The following PCNX2 variants were observed in gnomAD, a reference collection of about 807,000 sequenced individuals.
The protein encoded by PCNX2 is pecanex 2.
Under a neutral mutation model 223.8 loss-of-function variants are expected in PCNX2, and 168 were observed. The ratio of observed to expected loss-of-function variants is 0.75; its 90% CI spans 0.66 to 0.85. The LOEUF (loss-of-function observed/expected upper bound fraction) is 0.85. Among genes scored for constraint, PCNX2 ranks in the 40% least tolerant of loss-of-function variants. PCNX2 has a pLI of 0.00. For missense variants in PCNX2, 2,507 were observed against 2,675.5 expected (o/e 0.94, Z 1.39); for synonymous variants, 1,006 against 1,052.6 (o/e 0.96, Z 0.86).
intron 26 of PCNX2, among the ~76,000 whole-genome samples, chr1:233,018,350 T>A (rs886558110): frequency 1.3e-5 from 2 of 152,126 alleles, no homozygotes; most frequent in Non-Finnish European, 2.9e-5. Flanking sequence ...ATGGAAAGCA[T>A]TGACAATGTG....
the PCNX2 span, among the ~76,000 whole-genome samples, chr1:233,305,082 C>T: frequency 0.01 from 1,583 of 152,184 alleles, 26 homozygotes; most frequent in African/African-American, 0.036. Flanking sequence ...TCCCCATCCC[C>T]AAAATGACAA....
intron 23 of PCNX2, among the ~76,000 whole-genome samples, chr1:233,079,595 T>A (rs1291579188): frequency 6.6e-6 from 1 of 152,066 alleles, no homozygotes; most frequent in Non-Finnish European, 1.5e-5. Flanking sequence ...TTACTTTCTT[T>A]TATTAGGAGT....
the PCNX2 span, among the ~76,000 whole-genome samples, chr1:233,319,861 T>C: frequency 6.6e-6 from 1 of 152,256 alleles, no homozygotes. Flanking sequence ...ATTTTAAAGA[T>C]AACATTAATA....
intron 1 of PCNX2, among the ~76,000 whole-genome samples, chr1:233,278,387 C>G (rs1273189558): frequency 6.6e-6 from 1 of 152,196 alleles, no homozygotes; most frequent in Non-Finnish European, 1.5e-5. Context: ...ATAGGCCTCT[C>G]TGGGGACTCT....
chr1:233,233,866 C>T (rs1658223993), intron 9 of PCNX2, among the ~76,000 whole-genome samples: 2 of 152,030 alleles, frequency 1.3e-5, no homozygotes, highest in African/African-American at 4.8e-5. Flanking sequence ...CTTTCAGCCT[C>T]ACCTCCAGGC....
chr1:233,312,172 C>T, the PCNX2 span, among the ~76,000 whole-genome samples: 2 of 151,526 alleles, frequency 1.3e-5, no homozygotes, highest in Non-Finnish European at 2.9e-5. Context: ...TGGGGGTGGG[C>T]ATAGGAAACA....
intron 1 of PCNX2, among the ~76,000 whole-genome samples, chr1:233,290,241 C>CA (rs1661686455): frequency 6.6e-6 from 1 of 152,136 alleles, no homozygotes; most frequent in African/African-American, 2.4e-5. Context: ...CAACTTTCTT[C>CA]AAAATGTATA....
chr1:233,045,590 A>G (rs559786322), intron 25 of PCNX2, among the ~76,000 whole-genome samples: 4 of 152,294 alleles, frequency 2.6e-5, no homozygotes, highest in Admixed American at 1.3e-4. Context: ...ACCTCCCATT[A>G]TAGAAACTAA....
intron 5 of PCNX2, among the ~76,000 whole-genome samples, chr1:233,254,099 T>C (rs59826564): frequency 0.015 from 2,279 of 152,336 alleles, 56 homozygotes; most frequent in African/African-American, 0.052. Context: ...GTCTGTGGGA[T>C]ATAAATCACA....
chr1:233,278,294 C>T (rs1477705106), intron 1 of PCNX2, among the ~76,000 whole-genome samples: 1 of 152,180 alleles, frequency 6.6e-6, no homozygotes, highest in Admixed American at 6.5e-5. Flanking sequence ...CAGGAGCCAA[C>T]AGAGCCAAGA....
In PCNX2 at chr1:233,095,818, C is replaced by T. The variant is rs777372142; in HGVS notation, c.3883G>A (p.Ala1295Thr). The change falls in exon 22 of 34, where the codon GCT becomes ACT. Residue 1295 changes from alanine (A) to threonine (T), a missense_variant. Physicochemically the swap from Ala to Thr is moderately conservative, Grantham distance 58. Coordinates refer to ENST00000258229, the MANE Select transcript of PCNX2 (RefSeq NM_014801.4). ...GAACCCCAAGCCATCTGCCAAGGAG[C>T]CACATATGTCAGGACGAACTGTAAC... Reference protein sequence around the residue: ...HKLQFVLTYVAPWQMAWGSSF... With the variant: ...HKLQFVLTYVTPWQMAWGSSF... The T allele has an allele frequency of 2.5e-6, 4 of 1,612,822 alleles. No homozygotes were observed. The highest frequency in any genetic ancestry group is 1.3e-5 in the African/African-American group (1 of 75,012).
In PCNX2 at chr1:233,227,395, C is replaced by A. The variant is rs1230473751; in HGVS notation, c.2359-24G>T. The A allele has an allele frequency of 4.4e-6, 7 of 1,598,276 alleles. No homozygotes were observed. The Admixed American group carries it at 5.3e-5, about 12-fold the overall frequency. On this transcript the variant is annotated intron_variant, in intron 9 of 33. Transcript: ENST00000258229. ...TGCTTTTAGATACCAAAAGAAACAACAGAAAAAAGGGCTTTATGTTGTCAT... is the reference window on the plus strand; with the variant it reads ...TGCTTTTAGATACCAAAAGAAACAAAAGAAAAAAGGGCTTTATGTTGTCAT...
intron 21 of PCNX2, among the ~76,000 whole-genome samples, chr1:233,121,221 G>A (rs918807827): frequency 5.3e-5 from 8 of 152,038 alleles, no homozygotes; most frequent in Non-Finnish European, 8.8e-5. Flanking sequence ...TTCATAGACC[G>A]GAAGATCGAA....
Position 233,181,940 on chromosome 1 carries a change from TCC to T in PCNX2, c.3067-2767_3067-2766del, listed in dbSNP as rs1679826578. Among the ~76,000 whole-genome samples the T allele has an allele frequency of 5.3e-5, 8 of 152,160 alleles. No individual in the cohort carries two copies. The South Asian group carries it at 1.7e-3, about 32-fold the overall frequency. On this transcript the variant is annotated intron_variant, in intron 15 of 33. Coordinates refer to ENST00000258229, the MANE Select transcript of PCNX2 (RefSeq NM_014801.4). ...CACATTCAGTCTATAGCATACACTA[TCC>T]CTCTTTTTTATTTCAGTGCCATCTC...
intron 23 of PCNX2, among the ~76,000 whole-genome samples, chr1:233,077,586 C>G (rs916988840): frequency 6.6e-6 from 1 of 152,150 alleles, no homozygotes; most frequent in Non-Finnish European, 1.5e-5. Flanking sequence ...TCTTTCCTTC[C>G]TTTCTCCCAA....
chr1:233,147,049 T>C (rs1677494362), intron 19 of PCNX2, among the ~76,000 whole-genome samples: 1 of 152,224 alleles, frequency 6.6e-6, no homozygotes, highest in Non-Finnish European at 1.5e-5. Flanking sequence ...TCCATGCCTT[T>C]CCAAATATTT....
intron 27 of PCNX2, among the ~76,000 whole-genome samples, chr1:233,015,749 T>C (rs1333370183): frequency 6.6e-6 from 1 of 152,032 alleles, no homozygotes; most frequent in Admixed American, 6.6e-5. Flanking sequence ...TGGCATGTGC[T>C]TCTAGTCCCA....
intron 21 of PCNX2, among the ~76,000 whole-genome samples, chr1:233,106,472 C>A (rs1409814549): frequency 6.6e-6 from 1 of 151,754 alleles, no homozygotes; most frequent in African/African-American, 2.4e-5. Flanking sequence ...CCTGCCTCAG[C>A]CTCTCGAGTA....
chr1:233,203,079 G>A (rs1681225964), intron 13 of PCNX2, among the ~76,000 whole-genome samples: 1 of 152,316 alleles, frequency 6.6e-6, no homozygotes, highest in South Asian at 2.1e-4. Flanking sequence ...CAACCTGGCA[G>A]CATTTTAAGG....
Sources: allele counts gnomAD v4.1 joint callset (sites outside exome capture counted in the v4.1 genomes callset), GRCh38; gene constraint gnomAD v4.1.1; transcripts MANE v1.5; gene names NCBI Gene and HGNC (gene_info 2026-07-23, HGNC 2026-07-21).